RIC1: variants seen among roughly 807,000 people sequenced by gnomAD.
The protein encoded by RIC1 is guanine nucleotide exchange factor subunit RIC1.
Under a neutral mutation model 169.0 loss-of-function variants are expected in RIC1, and 88 were observed. The ratio of observed to expected loss-of-function variants is 0.52; its 90% CI spans 0.44 to 0.62. The LOEUF is 0.62. Ranked by LOEUF, RIC1 falls within the 20% of genes least tolerant of loss-of-function variation. The pLI, the probability that RIC1 is intolerant of heterozygous loss-of-function variation, is 0.00. For synonymous variants in RIC1, 790 were observed against 601.5 expected, an observed-to-expected ratio of 1.31 and a Z score of -4.59; for missense variants, 1,877 against 1,725.5, an observed-to-expected ratio of 1.09 and a Z score of -1.56.
chr9:5,705,283 T>C (rs1822513858), intron 3 of RIC1, among the ~76,000 whole-genome samples: 1 of 150,160 alleles, frequency 6.7e-6, no homozygotes, highest in Admixed American at 6.7e-5. Context: ...ATCGTAACAA[T>C]ATTAAATATT....
intron 6 of RIC1, among the ~76,000 whole-genome samples, chr9:5,732,068 T>G (rs1432147047): frequency 6.6e-6 from 1 of 152,244 alleles, no homozygotes; most frequent in Non-Finnish European, 1.5e-5. Flanking sequence ...TCAAAATGTT[T>G]ACATTCTAAC....
intron 3 of RIC1, among the ~76,000 whole-genome samples, chr9:5,696,166 T>C (rs1427136308): frequency 6.6e-6 from 1 of 152,134 alleles, no homozygotes; most frequent in Non-Finnish European, 1.5e-5. Flanking sequence ...TCCTCCTCCT[T>C]GTCTATTAAA....
At chr9:5,683,669 A>G (rs978230181) in intron 2 of RIC1, among the ~76,000 whole-genome samples, 17 of 152,236 alleles carry the variant, frequency 1.1e-4, no homozygotes, top group Non-Finnish European at 2.2e-4. Context: ...ACCCTCTTCA[A>G]AGCTGTCAGA....
At chr9:5,677,490 A>G (rs1292201459) in intron 2 of RIC1, among the ~76,000 whole-genome samples, 2 of 152,184 alleles carry the variant, frequency 1.3e-5, no homozygotes, top group African/African-American at 4.8e-5. Flanking sequence ...GTCAAAAATC[A>G]GTTGTCTACA....
intron 17 of RIC1, among the ~76,000 whole-genome samples, chr9:5,760,120 A>AG (rs779557429): frequency 3.3e-5 from 5 of 152,246 alleles, no homozygotes; most frequent in Non-Finnish European, 5.9e-5. Context: ...TTCAAAAAAA[A>AG]TAGTAGTAAC....
rs59648906 is a variant in RIC1 at position 5,673,535 on chromosome 9, G to GATATATATAT, written c.253-16410_253-16401dup. 2.2e-3 allele frequency among the ~76,000 whole-genome samples: 258 copies of GATATATATAT among 119,288 alleles called. 9 individuals carry two copies. The highest frequency in any genetic ancestry group is 8.5e-3 in the South Asian group (32 of 3,784). 78.3% of individuals were successfully genotyped at this position (119,288 alleles called of 152,430 possible). ...ATATATATGCACCAAAACATAAGGA[G>GATATATATAT]ATATATATATATATATATATATAAA... is the stretch of plus-strand genomic sequence containing the variant. On this transcript the variant is annotated intron_variant, in intron 2 of 25. Coordinates refer to ENST00000414202, the MANE Select transcript of RIC1 (RefSeq NM_020829.4).
In RIC1 at chr9:5,774,351, C is replaced by T. The variant is rs543976727; in HGVS notation, c.*105C>T. ...TTAACAGGAGAACTCAGTTCAGAGACTCTTCGGTAAGTATTAGTAGATTTT... is the reference window on the plus strand; with the variant it reads ...TTAACAGGAGAACTCAGTTCAGAGATTCTTCGGTAAGTATTAGTAGATTTT... On this transcript the variant is annotated 3_prime_UTR_variant, in exon 26 of 26. Coordinates refer to ENST00000414202, the MANE Select transcript of RIC1 (RefSeq NM_020829.4). 5.7e-5 allele frequency: 54 copies of T among 948,678 alleles called. No individual in the cohort carries two copies. In the South Asian group the frequency reaches 1.2e-3, roughly 21 times the overall value. 58.8% of individuals were successfully genotyped at this position (948,678 alleles called of 1,614,324 possible).
intron 2 of RIC1, among the ~76,000 whole-genome samples, chr9:5,671,309 AC>A (rs1241572623): frequency 2.0e-5 from 3 of 148,174 alleles, no homozygotes; most frequent in African/African-American, 7.6e-5. Flanking sequence ...TTGCTCTGTC[AC>A]CCAGACTGGA....
intron 3 of RIC1, chr9:5,712,851 T>C (rs1362029238): frequency 6.6e-6 from 1 of 152,174 alleles, no homozygotes; most frequent in African/African-American, 2.4e-5. Context: ...GGTTAAACAT[T>C]AGCTAGTTTA....
intron 3 of RIC1, among the ~76,000 whole-genome samples, chr9:5,690,916 G>T (rs549338216): frequency 1.3e-5 from 2 of 151,900 alleles, no homozygotes; most frequent in South Asian, 4.2e-4. Flanking sequence ...AAAGTATTTA[G>T]ACCCAGTAGT....
At chr9:5,697,853 A>G (rs150499602) in intron 3 of RIC1, among the ~76,000 whole-genome samples, 1 of 152,174 alleles carries the variant, frequency 6.6e-6, no homozygotes, top group Non-Finnish European at 1.5e-5. Flanking sequence ...ATGCTAATGA[A>G]TAATTGTTTA....
rs751624005 is a variant in RIC1 at position 5,762,705 on chromosome 9, T to C, written c.2112+45T>C. ...TTTCTTTTCAAACATTAAGAAGGTA[T>C]GGGATGAGGATGAAGGAATGAAACA... On this transcript the variant is annotated intron_variant, in intron 18 of 25. Transcript: ENST00000414202. The C allele has an allele frequency of 7.5e-6, 12 of 1,596,454 alleles. No homozygotes were observed. In the East Asian group the frequency reaches 9.1e-5, roughly 12 times the overall value.
At chr9:5,690,134 A>C in intron 3 of RIC1, 96 bp downstream of exon 3, 1 of 728,786 alleles carries the variant, frequency 1.4e-6, no homozygotes, top group Non-Finnish European at 2.1e-6. Flanking sequence ...TGATTAGAAT[A>C]AAACTAAACC....
At chr9:5,760,508 T>C (rs1826260058) in intron 17 of RIC1, among the ~76,000 whole-genome samples, 1 of 152,224 alleles carries the variant, frequency 6.6e-6, no homozygotes, top group Non-Finnish European at 1.5e-5. Flanking sequence ...TTGTGGTGAA[T>C]TACAGTAAAT....
intron 12 of RIC1, among the ~76,000 whole-genome samples, chr9:5,750,198 G>A (rs2031179): frequency 0.38 from 57,722 of 151,592 alleles, 12,423 homozygotes; most frequent in African/African-American, 0.56. Flanking sequence ...AAATTTTACA[G>A]AACACAAAGT....
chr9:5,633,442 C>G (rs1246662312), intron 1 of RIC1, among the ~76,000 whole-genome samples: 1 of 152,174 alleles, frequency 6.6e-6, no homozygotes, highest in African/African-American at 2.4e-5. Context: ...GGAATGCTCT[C>G]TTGCCTCATT....
chr9:5,700,884 A>T (rs1232130243), intron 3 of RIC1, among the ~76,000 whole-genome samples: 1 of 152,236 alleles, frequency 6.6e-6, no homozygotes, highest in African/African-American at 2.4e-5. Context: ...CACAAAGACA[A>T]CTGCAAGTTA....
rs1329112848 is a variant in RIC1, at chr9:5,742,963, A to T, written c.996A>T (p.Leu332Phe). The change falls in exon 9 of 26, where the codon TTA becomes TTT. Residue 332 changes from leucine to phenylalanine, a missense_variant. By Grantham distance (22) the Leu-to-Phe change is conservative (BLOSUM62 0). Around this residue, in one of 3 missense-constraint regions of RIC1, gnomAD observed 1,104 missense variants for 992.0 expected, o/e 1.11. Coordinates refer to ENST00000414202, the MANE Select transcript of RIC1 (RefSeq NM_020829.4). Reference protein sequence around the residue: ...IVTWEYGGLSLWSVFGAQLIC... With the variant: ...IVTWEYGGLSFWSVFGAQLIC... Reference sequence around the variant, plus strand: ...CCTGGGAATACGGAGGCCTTTCTTTATGGAGTGTTTTTGGAGCACAGCTGA... The same window carrying T: ...CCTGGGAATACGGAGGCCTTTCTTTTTGGAGTGTTTTTGGAGCACAGCTGA... 1 of 1,613,510 alleles carries T rather than the reference A, an allele frequency of 6.2e-7. No individual in the cohort carries two copies. Among genetic ancestry groups the T allele is most frequent in the Admixed American group, 1.7e-5 (1 of 59,948 alleles).
intron 1 of RIC1, among the ~76,000 whole-genome samples, chr9:5,630,618 A>C (rs1353435309): frequency 6.6e-6 from 1 of 152,210 alleles, no homozygotes; most frequent in Non-Finnish European, 1.5e-5. Context: ...GCTGTAAATC[A>C]GACTATTTGC....
Sources: gnomAD v4.1 joint callset for allele counts (sites outside exome capture counted in the v4.1 genomes callset) on GRCh38, gnomAD v4.1.1 for gene constraint, gnomAD v4.1.1 regional missense constraint, MANE v1.5 for transcripts, NCBI Gene and HGNC (gene_info 2026-07-23, HGNC 2026-07-21) for gene names.